Variants in UBR3 observed in about 807,000 individuals in gnomAD.
UBR3 encodes E3 ubiquitin-protein ligase UBR3.
A neutral mutation model predicts 243.2 loss-of-function variants in UBR3; 85 were observed. The observed-to-expected ratio is 0.35, with a 90% CI of 0.29 to 0.42. The LOEUF (loss-of-function observed/expected upper bound fraction) is 0.42. UBR3 is among the 10% of genes least tolerant of loss of function. UBR3 has a pLI of 1.00. For missense variants in UBR3, 1,686 were observed against 2,300.8 expected, an observed-to-expected ratio of 0.73 and a Z score of 5.47; for synonymous variants, 748 against 799.8, an observed-to-expected ratio of 0.94 and a Z score of 1.09.
rs181722406 is a variant in UBR3, at chr2:169,843,099, C to G, written c.545+15047C>G. On this transcript the variant is annotated intron_variant, in intron 1 of 38. Coordinates refer to ENST00000272793, the MANE Select transcript of UBR3 (RefSeq NM_172070.4). ...ACTTCAAAACTACTCCAGCCTCTACCTATTACCCAGTTCAAAAGCCACTTC... is the reference window on the plus strand; with the variant it reads ...ACTTCAAAACTACTCCAGCCTCTACGTATTACCCAGTTCAAAAGCCACTTC... 2.8e-4 allele frequency among the ~76,000 whole-genome samples: 42 copies of G among 152,322 alleles called. No individual in the cohort carries two copies. In the East Asian group the frequency reaches 7.3e-3, roughly 27 times the overall value.
intron 30 of UBR3, among the ~76,000 whole-genome samples, chr2:170,021,907 G>A (rs754671021): frequency 2.6e-5 from 4 of 152,134 alleles, no homozygotes; most frequent in Non-Finnish European, 5.9e-5. Context: ...ACCATAGATA[G>A]TAATTTTCAC....
intron 35 of UBR3, among the ~76,000 whole-genome samples, chr2:170,063,350 G>A (rs2091491303): frequency 6.6e-6 from 1 of 152,150 alleles, no homozygotes; most frequent in Non-Finnish European, 1.5e-5. Flanking sequence ...TTCAGATTGA[G>A]GGATAGTTGG....
intron 26 of UBR3, among the ~76,000 whole-genome samples, chr2:169,997,371 G>C (rs1264065106): frequency 1.3e-5 from 2 of 152,112 alleles, no homozygotes; most frequent in African/African-American, 4.8e-5. Context: ...AGCTTCTATG[G>C]CTGGGTGCCA....
chr2:169,964,732 A>G (rs2087730990), intron 24 of UBR3: 2 of 378,422 alleles, frequency 5.3e-6, no homozygotes, highest in Non-Finnish European at 1.0e-5. Context: ...CAATGCTTAC[A>G]GCTCAGTTAT....
At chr2:169,935,439 G>A (rs2086290173) in intron 19 of UBR3, among the ~76,000 whole-genome samples, 1 of 152,200 alleles carries the variant, frequency 6.6e-6, no homozygotes, top group Non-Finnish European at 1.5e-5. Context: ...ATAGTGCTAG[G>A]ATTATAGATG....
At chr2:169,840,427 G>T (rs1223868746) in intron 1 of UBR3, among the ~76,000 whole-genome samples, 1 of 152,214 alleles carries the variant, frequency 6.6e-6, no homozygotes, top group Non-Finnish European at 1.5e-5. Context: ...GCTCCTCCGG[G>T]TGGCTCCACC....
intron 32 of UBR3, among the ~76,000 whole-genome samples, chr2:170,041,715 A>G (rs1016012311): frequency 6.6e-6 from 1 of 152,204 alleles, no homozygotes; most frequent in Admixed American, 6.5e-5. Flanking sequence ...TTACAGTAGA[A>G]TGAACATCTA....
chr2:169,961,874 GTT>G (rs34504571), intron 24 of UBR3, among the ~76,000 whole-genome samples: 4 of 136,826 alleles, frequency 2.9e-5, no homozygotes, highest in Admixed American at 7.5e-5. Context: ...TTTTTCCCAT[GTT>G]TTTTTTTTTT....
intron 23 of UBR3, among the ~76,000 whole-genome samples, chr2:169,950,789 C>T (rs1490338988): frequency 1.3e-5 from 2 of 150,774 alleles, no homozygotes; most frequent in African/African-American, 4.9e-5. Flanking sequence ...GCCTTGTCAA[C>T]ATTGCTGACC....
At chr2:169,842,478 G>C (rs1231887885) in intron 1 of UBR3, among the ~76,000 whole-genome samples, 1 of 152,234 alleles carries the variant, frequency 6.6e-6, no homozygotes, top group African/African-American at 2.4e-5. Context: ...CACTGTGGAA[G>C]CTTTGTTCTT....
intron 1 of UBR3, among the ~76,000 whole-genome samples, chr2:169,856,722 C>T (rs992159848): frequency 8.0e-4 from 122 of 152,098 alleles, no homozygotes; most frequent in African/African-American, 2.7e-3. Context: ...ATCCCAGGCA[C>T]TCGGTAGGCT....
intron 24 of UBR3, chr2:169,964,672 G>A (rs889221718): frequency 2.7e-6 from 1 of 370,012 alleles, no homozygotes; most frequent in African/African-American, 2.1e-5. Context: ...TTGCTGAGGA[G>A]AGTGGGAGAC....
At chr2:169,896,762 CTAT>C in intron 8 of UBR3, 27 bp downstream of exon 8, 3 of 1,457,452 alleles carry the variant, frequency 2.1e-6, no homozygotes, top group South Asian at 2.6e-5. Context: ...TTCACTAGTT[CTAT>C]TATTATCAGT....
chr2:169,990,601 G>C (rs938184772), intron 25 of UBR3, among the ~76,000 whole-genome samples: 2 of 151,874 alleles, frequency 1.3e-5, no homozygotes, highest in African/African-American at 4.8e-5. Context: ...AGGGAAGGGG[G>C]ATGGAGGAGT....
intron 1 of UBR3, among the ~76,000 whole-genome samples, chr2:169,859,081 C>CTTTT (rs575814312): frequency 4.6e-4 from 46 of 99,738 alleles, no homozygotes; most frequent in African/African-American, 9.4e-4. Flanking sequence ...CTCACCATGG[C>CTTTT]TTTTTTTTTT....
chr2:169,849,164 C>T (rs10930382), intron 1 of UBR3, among the ~76,000 whole-genome samples: 64,391 of 152,032 alleles, frequency 0.42, 15,246 homozygotes, highest in Non-Finnish European at 0.54. Context: ...TTTGGCGCAG[C>T]GTGGGGCCCT....
intron 1 of UBR3, among the ~76,000 whole-genome samples, chr2:169,864,580 A>G (rs534415042): frequency 1.4e-4 from 22 of 152,074 alleles, no homozygotes; most frequent in Admixed American, 2.0e-4. Context: ...CCTGGCCAAC[A>G]TGGCCAGGCA....
At chr2:170,023,549 A>G (rs1574412221) in intron 30 of UBR3, among the ~76,000 whole-genome samples, 1 of 152,026 alleles carries the variant, frequency 6.6e-6, no homozygotes, top group South Asian at 2.1e-4. Flanking sequence ...AGCTGGGATT[A>G]CAGGCACCCA....
chr2:169,851,639 G>A (rs561251354), intron 1 of UBR3, among the ~76,000 whole-genome samples: 1 of 152,230 alleles, frequency 6.6e-6, no homozygotes, highest in African/African-American at 2.4e-5. Flanking sequence ...GCTGAGGGGA[G>A]CGGATCACAA....
Sources: gnomAD v4.1 joint callset for allele counts (sites outside exome capture counted in the v4.1 genomes callset) on GRCh38, gnomAD v4.1.1 for gene constraint, MANE v1.5 for transcripts, NCBI Gene and HGNC (gene_info 2026-07-23, HGNC 2026-07-21) for gene names.